SLC28A2: variants seen among roughly 807,000 people sequenced by gnomAD.
SLC28A2 encodes sodium/nucleoside cotransporter 2.
In SLC28A2, 69 loss-of-function variants were observed where a neutral mutation model predicts 72.9. The observed-to-expected ratio is 0.95, with a 90% CI of 0.78 to 1.16. The LOEUF is 1.16. Among genes scored for constraint, SLC28A2 ranks in the 50% most tolerant of loss-of-function variants. The pLI, the probability that SLC28A2 is intolerant of heterozygous loss-of-function variation, is 0.00. For synonymous variants in SLC28A2, 296 were observed against 294.1 expected, an observed-to-expected ratio of 1.01 and a Z score of -0.07; for missense variants, 745 against 791.1, an observed-to-expected ratio of 0.94 and a Z score of 0.70.
At chr15:45,268,144 T>G (rs1241499500) in intron 12 of SLC28A2, 66 bp from the exon 13 acceptor site, 2 of 1,480,960 alleles carry the variant, frequency 1.4e-6, no homozygotes, top group Non-Finnish European at 1.8e-6. Context: ...CAGTGGGATT[T>G]CTCTTCTCTG....
Position 45,264,754 on chromosome 15 carries a change from G to C in SLC28A2, c.688G>C (p.Gly230Arg). 2 of 1,606,968 alleles carry C rather than the reference G, an allele frequency of 1.2e-6. No homozygotes were observed. Among genetic ancestry groups the C allele is most frequent in the Non-Finnish European group, 1.7e-6 (2 of 1,173,508 alleles). ...DLGYTVFQWL[G>R]EQVQIFLNYT... ...TGGATATACTGTATTTCAGTGGCTG[G>C]GAGAGCAGGTCCAGGTATGAGAAAT... Residue 230 changes from glycine to arginine, a missense_variant, in exon 7 of 18, where the codon GGA becomes CGA. Gly to Arg is a moderately radical substitution (Grantham distance 125). Coordinates refer to ENST00000347644, the MANE Select transcript of SLC28A2 (RefSeq NM_004212.4).
chr15:45,253,573 C>A, intron 3 of SLC28A2, 53 bp downstream of exon 3: 1 of 1,168,876 alleles, frequency 8.6e-7, no homozygotes, highest in Non-Finnish European at 1.3e-6. Flanking sequence ...GGGTGGGCTG[C>A]CCCTTCAGGC....
intron 13 of SLC28A2, 139 bp from the exon 14 acceptor site, chr15:45,269,199 T>C (rs1489229094): frequency 2.5e-5 from 17 of 682,210 alleles, no homozygotes; most frequent in Non-Finnish European, 4.1e-5. Flanking sequence ...ATGCATGTCC[T>C]TCTGACCCAC....
chr15:45,252,584 T>C (rs1899826223), intron 1 of SLC28A2, among the ~76,000 whole-genome samples: 1 of 152,250 alleles, frequency 6.6e-6, no homozygotes, highest in South Asian at 2.1e-4. Context: ...TGTTTGCTTA[T>C]TTTGTTTAAA....
chr15:45,265,458 T>C (rs1356396286), intron 8 of SLC28A2, 125 bp from the exon 9 acceptor site: 2 of 733,422 alleles, frequency 2.7e-6, no homozygotes, highest in African/African-American at 1.7e-5. Flanking sequence ...CTAAACTAGT[T>C]TGTGTAGGTA....
intron 8 of SLC28A2, 43 bp from the exon 9 acceptor site, chr15:45,265,540 A>C (rs1393712122): frequency 2.3e-6 from 3 of 1,329,832 alleles, no homozygotes; most frequent in African/African-American, 2.9e-5. Flanking sequence ...AACACAGAGT[A>C]TGCAATGTAA....
rs1567058088 is a variant in SLC28A2, at chr15:45,262,061, C to T, written c.217C>T (p.His73Tyr). The T allele has an allele frequency of 6.2e-7, 1 of 1,613,682 alleles. No homozygotes were observed. Among genetic ancestry groups the T allele is most frequent in the African/African-American group, 1.3e-5 (1 of 75,028 alleles). Residue 73 changes from histidine (H) to tyrosine (Y), a missense_variant, in exon 4 of 18, where the codon CAC becomes TAC. By Grantham distance (83) the His-to-Tyr change is moderately conservative. Transcript: ENST00000347644. ...CAAAGCAAGAAGTTTCTGCAAAACA[C>T]ACGCCAGCTTGTTCAAGAAGATCCT... is the stretch of plus-strand genomic sequence containing the variant. ...FSKARSFCKT[H>Y]ASLFKKILLG...
At chr15:45,263,793 G>T in intron 5 of SLC28A2, 88 bp from the exon 6 acceptor site, 1 of 1,354,158 alleles carries the variant, frequency 7.4e-7, no homozygotes. Flanking sequence ...CACAGGCCAG[G>T]AGTGAGAGAA....
At chr15:45,264,631 A>G (rs11631021) in intron 6 of SLC28A2, 24 bp from the exon 7 acceptor site, 926,936 of 1,474,560 alleles carry the variant, frequency 0.63, 303,708 homozygotes, top group African/African-American at 0.72. Context: ...ACTCACATTG[A>G]AATAATATTC....
At chr15:45,265,967 C>A in intron 9 of SLC28A2, 114 bp from the exon 10 acceptor site, 1 of 800,136 alleles carries the variant, frequency 1.2e-6, no homozygotes, top group South Asian at 1.6e-5. Context: ...GCTTGCTGCT[C>A]TACTTCTCTA....
intron 7 of SLC28A2, 130 bp downstream of exon 7, chr15:45,264,898 A>C: frequency 1.4e-6 from 1 of 737,836 alleles, no homozygotes; most frequent in South Asian, 1.6e-5. Flanking sequence ...GAAAGGAGAG[A>C]GTGTACTAGG....
rs1595676049 is a variant in SLC28A2, at chr15:45,264,043, T to A, written c.588+21T>A. ...GCGCAGTGAGTTTTGGGTATTTGGGTTGGGTATAGCAACACATGGCCAAGG... is the reference window on the plus strand; with the variant it reads ...GCGCAGTGAGTTTTGGGTATTTGGGATGGGTATAGCAACACATGGCCAAGG... On this transcript the variant is annotated intron_variant, in intron 6 of 17. Transcript: ENST00000347644. The A allele has an allele frequency of 8.1e-6, 13 of 1,601,432 alleles. No homozygotes were observed. The East Asian group carries it at 2.9e-4, about 36-fold the overall frequency.
intron 13 of SLC28A2, 82 bp from the exon 14 acceptor site, chr15:45,269,256 C>A: frequency 8.7e-7 from 1 of 1,150,986 alleles, no homozygotes; most frequent in African/African-American, 1.5e-5. Flanking sequence ...GAGATTGGGC[C>A]AAGGCTCCAG....
intron 14 of SLC28A2, 27 bp from the exon 15 acceptor site, chr15:45,270,168 T>C: frequency 2.6e-6 from 4 of 1,525,242 alleles, no homozygotes; most frequent in Non-Finnish European, 3.6e-6. Flanking sequence ...CTGAATTTAT[T>C]TGCTTATTTA....
rs755806206 is a variant in SLC28A2 at position 45,264,018 on chromosome 15, G to T, written c.584G>T (p.Ser195Ile). 2 of 1,609,912 alleles carry T rather than the reference G, an allele frequency of 1.2e-6. No homozygotes were observed. Among genetic ancestry groups the T allele is most frequent in the African/African-American group, 1.3e-5 (1 of 74,824 alleles). Residue 195 changes from serine (S) to isoleucine (I), a missense_variant, in exon 6 of 18, where the codon AGC (serine) becomes ATC (isoleucine). Ser to Ile is a moderately radical substitution (Grantham distance 142, BLOSUM62 -2). Coordinates refer to ENST00000347644, the MANE Select transcript of SLC28A2 (RefSeq NM_004212.4). Reference protein sequence around the residue: ...LILFACSKHHSAVSWRTVFSG... With the variant: ...LILFACSKHHIAVSWRTVFSG... Reference sequence around the variant, plus strand: ...CTCTTTGCCTGCTCCAAACACCACAGCGCAGTGAGTTTTGGGTATTTGGGT... The same window carrying T: ...CTCTTTGCCTGCTCCAAACACCACATCGCAGTGAGTTTTGGGTATTTGGGT...
rs745406138 is a variant in SLC28A2, at chr15:45,253,228, A to G, written c.13A>G (p.Ser5Gly). The G allele has an allele frequency of 6.2e-7, 1 of 1,613,200 alleles. No homozygotes were observed. Among genetic ancestry groups the G allele is most frequent in the Non-Finnish European group, 8.5e-7 (1 of 1,179,264 alleles). ...AGGAGAACAGGAGATGGAGAAAGCA[A>G]GTGGAAGACAGTCCATTGCTCTGTC... MEKASGRQSIALSTV... is the reference protein window; with the variant it reads MEKAGGRQSIALSTV... The change falls in exon 2 of 18, where the codon AGT becomes GGT. Residue 5 changes from serine to glycine, a missense_variant. By Grantham distance (56) the Ser-to-Gly change is moderately conservative. Coordinates refer to ENST00000347644, the MANE Select transcript of SLC28A2 (RefSeq NM_004212.4).
rs1900790173 is a variant in SLC28A2, at chr15:45,277,746, G to A, written c.*2233G>A. On this transcript the variant is annotated 3_prime_UTR_variant, in exon 18 of 18. Coordinates refer to ENST00000347644, the MANE Select transcript of SLC28A2 (RefSeq NM_004212.4). ...GTTTTGGAACGAGATAGAGGTGGTG[G>A]TTGTGCAACATTGTGAATATTATGT... The A allele has an allele frequency of 7.6e-6, 1 of 131,988 alleles. No individual in the cohort carries two copies. Among genetic ancestry groups the A allele is most frequent in the African/African-American group, 2.7e-5 (1 of 36,398 alleles). The allele number at this position is 131,988 out of a possible 1,614,324, so 8.2% of individuals were successfully genotyped here. A position where few individuals can be genotyped will look rare whatever the true frequency, so the allele number is the denominator to read the frequency against.
Position 45,263,870 on chromosome 15 carries a change from T to G in SLC28A2, c.447-11T>G, listed in dbSNP as rs1900238884. On this transcript the variant is annotated splice_polypyrimidine_tract_variant and intron_variant, in intron 5 of 17. Transcript: ENST00000347644. ...TGGGTTGATGACATGGTCTTGGCAT[T>G]CCTTCTTCAGGGTGTTTGCAGGAGT... The G allele has an allele frequency of 6.2e-7, 1 of 1,600,316 alleles. No individual in the cohort carries two copies. Among genetic ancestry groups the G allele is most frequent in the Admixed American group, 1.7e-5 (1 of 57,914 alleles).
At chr15:45,272,228 G>A (rs1900595193) in intron 15 of SLC28A2, 67 bp from the exon 16 acceptor site, 4 of 1,228,904 alleles carry the variant, frequency 3.3e-6, no homozygotes, top group East Asian at 4.7e-5. Flanking sequence ...CTAAGTGGGG[G>A]CCCATGGGAT....
Sources: allele counts gnomAD v4.1 joint callset (sites outside exome capture counted in the v4.1 genomes callset), GRCh38; gene constraint gnomAD v4.1.1; transcripts MANE v1.5; gene names NCBI Gene and HGNC (gene_info 2026-07-23, HGNC 2026-07-21).